GSE1: variants seen among roughly 807,000 people sequenced by gnomAD.
GSE1 encodes Gse1 coiled-coil protein.
GSE1 carries 32 observed loss-of-function variants against 112.6 expected under a neutral mutation model. That is an observed-to-expected ratio of 0.28 (90% confidence interval 0.21 to 0.38). The LOEUF is 0.38. Among genes scored for constraint, GSE1 ranks in the 10% least tolerant of loss-of-function variants. The probability of loss-of-function intolerance (pLI) is 1.00; values close to 1 mark genes in which losing one functional copy is unlikely to be tolerated. For synonymous variants in GSE1, 1,115 were observed against 735.6 expected, an observed-to-expected ratio of 1.52 and a Z score of -8.35; for missense variants, 2,348 against 1,699.2, an observed-to-expected ratio of 1.38 and a Z score of -6.71.
At chr16:85,220,657 G>A (rs562157369) in intron 1 of GSE1, among the ~76,000 whole-genome samples, 14 of 152,286 alleles carry the variant, frequency 9.2e-5, no homozygotes, top group Non-Finnish European at 1.3e-4. Flanking sequence ...GCCCTGGCCC[G>A]TCTCGCTTTG....
At chr16:85,621,902 A>G (rs76329986) in intron 1 of GSE1, among the ~76,000 whole-genome samples, 2,427 of 152,198 alleles carry the variant, frequency 0.016, 57 homozygotes, top group South Asian at 0.053. Context: ...AGCCTTCAGG[A>G]CAGGAGACAT....
rs1452932214 is a variant in GSE1, at chr16:85,568,855, TTGGAGC to T, written c.37+12495_37+12500del. Reference sequence around the variant, plus strand: ...GGGTTCACAGCGGTCTGTTCTCACTTTGGAGCTGCTGTGGATGAGGGTGACGTCTGT... The same window carrying T: ...GGGTTCACAGCGGTCTGTTCTCACTTTGCTGTGGATGAGGGTGACGTCTGT... On this transcript the variant is annotated intron_variant, in intron 1 of 2. Transcript: ENST00000635906. 5.3e-5 allele frequency among the ~76,000 whole-genome samples: 8 copies of T among 152,318 alleles called. No homozygotes were observed. The South Asian group carries it at 1.2e-3, about 24-fold the overall frequency.
At chr16:85,319,423 G>C (rs1209862971) in intron 1 of GSE1, among the ~76,000 whole-genome samples, 1 of 152,204 alleles carries the variant, frequency 6.6e-6, no homozygotes, top group Non-Finnish European at 1.5e-5. Flanking sequence ...GCCTCAGCCT[G>C]TGTCCGCCCT....
At chr16:85,261,736 C>G (rs1387032896) in intron 1 of GSE1, among the ~76,000 whole-genome samples, 1 of 152,216 alleles carries the variant, frequency 6.6e-6, no homozygotes, top group East Asian at 1.9e-4. Flanking sequence ...GATGGCTGTT[C>G]AGGTGCACGC....
At chr16:85,625,189 C>T (rs2048987542) in intron 1 of GSE1, among the ~76,000 whole-genome samples, 1 of 152,190 alleles carries the variant, frequency 6.6e-6, no homozygotes, top group East Asian at 1.9e-4. Context: ...CCCGCCCTTC[C>T]CGCCGCCCTC....
chr16:85,449,966 G>A (rs2049628037), intron 2 of GSE1, among the ~76,000 whole-genome samples: 1 of 152,132 alleles, frequency 6.6e-6, no homozygotes, highest in Non-Finnish European at 1.5e-5. Context: ...TGGCCCAAAA[G>A]GAAGGGCCTA....
chr16:85,664,446 G>A (rs894442107), intron 11 of GSE1: 1 of 152,346 alleles, frequency 6.6e-6, no homozygotes, highest in East Asian at 1.9e-4. Flanking sequence ...TTGATTGCCA[G>A]CCCAGTTCCC....
At chr16:85,285,827 A>G (rs1213153088) in intron 1 of GSE1, 1 of 152,278 alleles carries the variant, frequency 6.6e-6, no homozygotes, top group Non-Finnish European at 1.5e-5. Context: ...GCTTAATCCA[A>G]AACACCTTCC....
intron 1 of GSE1, among the ~76,000 whole-genome samples, chr16:85,567,934 G>A (rs1475223639): frequency 6.6e-6 from 1 of 152,010 alleles, no homozygotes; most frequent in African/African-American, 2.4e-5. Context: ...ATGTTGCCCA[G>A]GCTGATCTCG....
At chr16:85,644,352 A>G (rs1011794290) in intron 2 of GSE1, among the ~76,000 whole-genome samples, 1 of 151,810 alleles carries the variant, frequency 6.6e-6, no homozygotes, top group Non-Finnish European at 1.5e-5. Context: ...TCAAAAAAAA[A>G]AAAAAAAAGA....
chr16:85,667,322 T>A (rs978736511), intron 13 of GSE1, among the ~76,000 whole-genome samples: 1 of 152,248 alleles, frequency 6.6e-6, no homozygotes, highest in African/African-American at 2.4e-5. Flanking sequence ...AGTCACTCCA[T>A]TGACTGGGCT....
Position 85,246,727 on chromosome 16 carries a change from G to A in GSE1, c.2283+74920G>A, listed in dbSNP as rs200780507. Among the ~76,000 whole-genome samples, 19 of 152,164 alleles carry A rather than the reference G, an allele frequency of 1.2e-4. No individual in the cohort carries two copies. The East Asian group carries it at 3.7e-3, about 30-fold the overall frequency. On this transcript the variant is annotated intron_variant, in intron 1 of 2. Transcript: ENST00000637419. ...CCCTAGTGGACTAGAGAGGGCCTGG[G>A]GGGCAGCCAAAGGCACTGTGCCTGG... is the stretch of plus-strand genomic sequence containing the variant.
At chr16:85,450,716 T>G (rs978732326) in intron 2 of GSE1, among the ~76,000 whole-genome samples, 1 of 150,790 alleles carries the variant, frequency 6.6e-6, no homozygotes, top group Non-Finnish European at 1.5e-5. Flanking sequence ...CCCAAAGTGC[T>G]GGGATTACAG....
intron 2 of GSE1, among the ~76,000 whole-genome samples, chr16:85,642,906 G>A (rs1308690590): frequency 2.0e-5 from 3 of 152,258 alleles, no homozygotes; most frequent in East Asian, 1.9e-4. Context: ...GCCTGACCAC[G>A]GTGAGGCCAC....
intron 1 of GSE1, among the ~76,000 whole-genome samples, chr16:85,348,291 AC>A (rs1305674931): frequency 7.7e-6 from 1 of 129,628 alleles, no homozygotes; most frequent in East Asian, 2.0e-4. Context: ...CCATCCATCC[AC>A]TGTTCATCCA....
chr16:85,595,518 G>A (rs1432030360), intron 1 of GSE1: 4 of 152,168 alleles, frequency 2.6e-5, no homozygotes, highest in Admixed American at 2.6e-4. Context: ...GGAAACACTG[G>A]TATGTTCCTT....
At chr16:85,183,468 C>T (rs2074636955) in intron 1 of GSE1, among the ~76,000 whole-genome samples, 1 of 152,202 alleles carries the variant, frequency 6.6e-6, no homozygotes, top group African/African-American at 2.4e-5. Context: ...GCTGGTGTTC[C>T]ACAGCCAGGG....
rs147808832 is a variant in GSE1 at position 85,275,648 on chromosome 16, C to A, written c.2284-81815C>A. Among the ~76,000 whole-genome samples the A allele has an allele frequency of 3.9e-3, 597 of 152,318 alleles. 4 individuals are homozygous for A. Among genetic ancestry groups the A allele is most frequent in the African/African-American group, 0.013 (549 of 41,588 alleles). On this transcript the variant is annotated intron_variant, in intron 1 of 2. Transcript: ENST00000637419. ...TCAAAGTTGATTTCCAGAGGTCGGTCCTAGACGTGGGGAGGCAGTCAGGGT... is the reference window on the plus strand; with the variant it reads ...TCAAAGTTGATTTCCAGAGGTCGGTACTAGACGTGGGGAGGCAGTCAGGGT...
At chr16:85,318,470 G>T (rs1245213285) in intron 1 of GSE1, among the ~76,000 whole-genome samples, 1 of 152,106 alleles carries the variant, frequency 6.6e-6, no homozygotes, top group Non-Finnish European at 1.5e-5. Flanking sequence ...TCCCTATGTT[G>T]CCCAGGCTGG....
Sources: allele counts gnomAD v4.1 joint callset (sites outside exome capture counted in the v4.1 genomes callset), GRCh38; gene constraint gnomAD v4.1.1; transcripts MANE v1.5; gene names NCBI Gene and HGNC (gene_info 2026-07-23, HGNC 2026-07-21).